STK35: variants seen among roughly 807,000 people sequenced by gnomAD.
STK35 encodes serine/threonine-protein kinase 35.
A neutral mutation model predicts 37.3 loss-of-function variants in STK35; 17 were observed. The observed-to-expected ratio is 0.46, with a 90% CI of 0.31 to 0.68. STK35 has a LOEUF of 0.68. Among genes scored for constraint, STK35 ranks in the 30% least tolerant of loss-of-function variants. The pLI, the probability that STK35 is intolerant of heterozygous loss-of-function variation, is 0.05. For synonymous variants in STK35, 385 were observed against 319.1 expected (o/e 1.21, Z -2.20); for missense variants, 595 against 746.7 (o/e 0.80, Z 2.37).
intron 3 of STK35, among the ~76,000 whole-genome samples, chr20:2,139,235 C>CT (rs1257330528): frequency 6.6e-6 from 1 of 152,162 alleles, no homozygotes; most frequent in Non-Finnish European, 1.5e-5. Context: ...CTCCAAGCTG[C>CT]TAATGGCCTT....
rs1021262406 is a variant in STK35 at position 2,146,506 on chromosome 20, C to T, written c.*2760C>T. 5.2e-5 allele frequency: 8 copies of T among 152,898 alleles called. 1 individual carries two copies. Among genetic ancestry groups the T allele is most frequent in the African/African-American group, 1.9e-4 (8 of 41,550 alleles). 9.5% of individuals were successfully genotyped at this position (152,898 alleles called of 1,614,324 possible). A position where few individuals can be genotyped will look rare whatever the true frequency, so the allele number is the denominator to read the frequency against. ...AGCCCTTTGGAGGGGGACTCTTGAC[C>T]TCGGCTGTTAGGGATCTGAACTTGG... On this transcript the variant is annotated 3_prime_UTR_variant, in exon 4 of 4. Transcript: ENST00000381482.
chr20:2,135,799 G>C (rs1001441168), intron 3 of STK35, among the ~76,000 whole-genome samples: 1 of 152,184 alleles, frequency 6.6e-6, no homozygotes, highest in Non-Finnish European at 1.5e-5. Context: ...GCAGTGAGCC[G>C]AGATTGCACT....
In STK35 at chr20:2,102,036, G is replaced by A. The variant is rs1317266186; in HGVS notation, c.155G>A (p.Gly52Glu). 25 of 1,526,844 alleles carry A rather than the reference G, an allele frequency of 1.6e-5. 1 individual carries two copies. The highest frequency in any genetic ancestry group is 4.0e-5 in the Admixed American group (2 of 50,600). The allele number at this position is 1,526,844 out of a possible 1,614,324, so 94.6% of individuals were successfully genotyped here. Reference protein sequence around the residue: ...ASPASAAAAEGSATRRARAAT... With the variant: ...ASPASAAAAEESATRRARAAT... ...CCAGCGAGCGCCGCGGCAGCAGAAG[G>A]ATCCGCTACACGCCGGGCTCGGGCC... Residue 52 changes from glycine (G) to glutamate (E), a missense_variant, in exon 1 of 4, where the codon GGA becomes GAA. Around this residue, in one of 3 missense-constraint regions of STK35, gnomAD observed 389 missense variants for 320.0 expected, o/e 1.22. Transcript: ENST00000381482.
In STK35 at chr20:2,103,000, T is replaced by C. The variant is rs1215322173; in HGVS notation, c.527T>C (p.Val176Ala). 5 of 1,420,892 alleles carry C rather than the reference T, an allele frequency of 3.5e-6. No individual in the cohort carries two copies. Among genetic ancestry groups the C allele is most frequent in the Admixed American group, 3.3e-5 (1 of 30,572 alleles). 88.0% of individuals were successfully genotyped at this position (1,420,892 alleles called of 1,614,324 possible). A position where few individuals can be genotyped will look rare whatever the true frequency, so the allele number is the denominator to read the frequency against. ...GCGGCGGCCCGGGCCATGGATCCGG[T>C]GGCGGCCGAGGCCCCGGGCGAGGCC... ...PAAAARAMDP[V>A]AAEAPGEAFL... Residue 176 changes from valine to alanine, a missense_variant, in exon 2 of 4, where the codon GTG becomes GCG. This residue lies in a region of STK35 where 389 missense variants were observed against 320.0 expected (regional missense o/e 1.22). Coordinates refer to ENST00000381482, the MANE Select transcript of STK35 (RefSeq NM_080836.4).
intron 3 of STK35, among the ~76,000 whole-genome samples, chr20:2,139,854 T>C (rs1424049295): frequency 6.6e-6 from 1 of 150,792 alleles, no homozygotes; most frequent in Admixed American, 6.7e-5. Flanking sequence ...GTCCAAGAGC[T>C]GAAATGAGAA....
At chr20:2,139,988 T>C (rs530070645) in intron 3 of STK35, among the ~76,000 whole-genome samples, 2 of 152,206 alleles carry the variant, frequency 1.3e-5, no homozygotes, top group African/African-American at 2.4e-5. Context: ...AAGACTATCA[T>C]AGTGCAGAGA....
Position 2,102,790 on chromosome 20 carries a change from C to T in STK35, c.317C>T (p.Pro106Leu), listed in dbSNP as rs1396612143. 2 of 1,476,420 alleles carry T rather than the reference C, an allele frequency of 1.4e-6. No homozygotes were observed. The highest frequency in any genetic ancestry group is 9.0e-7 in the Non-Finnish European group (1 of 1,114,950). 91.5% of individuals were successfully genotyped at this position (1,476,420 alleles called of 1,614,324 possible). A position where few individuals can be genotyped will look rare whatever the true frequency, so the allele number is the denominator to read the frequency against. ...AGQVTIQGPA[P>L]PRPRAGRRDE... ...CAGGTCACAATCCAAGGTCCGGCTC[C>T]TCCGCGTCCCAGGGCCGGACGGAGG... The change falls in exon 2 of 4, where the codon CCT (proline) becomes CTT (leucine). Residue 106 changes from proline to leucine, a missense_variant. Physicochemically the swap from Pro to Leu is moderately conservative, Grantham distance 98 (BLOSUM62 -3). This residue lies in a region of STK35 where 389 missense variants were observed against 320.0 expected (regional missense o/e 1.22). Transcript: ENST00000381482.
intron 2 of STK35, among the ~76,000 whole-genome samples, chr20:2,110,750 T>G (rs1419381112): frequency 6.6e-6 from 1 of 152,228 alleles, no homozygotes; most frequent in African/African-American, 2.4e-5. Flanking sequence ...GATCTGCATG[T>G]TGTGTGGTTG....
intron 2 of STK35, among the ~76,000 whole-genome samples, chr20:2,115,902 C>T (rs116755717): frequency 9.3e-5 from 14 of 150,440 alleles, no homozygotes; most frequent in East Asian, 1.9e-4. Context: ...CCTGCCCCCC[C>T]CTTCACTGTT....
chr20:2,137,350 A>C (rs1040255524), intron 3 of STK35, among the ~76,000 whole-genome samples: 5 of 152,172 alleles, frequency 3.3e-5, no homozygotes, highest in African/African-American at 1.2e-4. Flanking sequence ...CCATGCCTTG[A>C]GAGAACACCA....
intron 2 of STK35, among the ~76,000 whole-genome samples, chr20:2,106,410 A>G (rs755792271): frequency 1.3e-5 from 2 of 152,198 alleles, no homozygotes; most frequent in African/African-American, 4.8e-5. Context: ...CTGAGTCCCT[A>G]CTGTGGTATT....
At chr20:2,123,206 G>A (rs1985848820) in intron 3 of STK35, among the ~76,000 whole-genome samples, 1 of 152,202 alleles carries the variant, frequency 6.6e-6, no homozygotes, top group East Asian at 1.9e-4. Context: ...GGGCAGCTAA[G>A]GCCTGCTGAA....
At chr20:2,124,534 ATC>A (rs1985871589) in intron 3 of STK35, among the ~76,000 whole-genome samples, 1 of 152,154 alleles carries the variant, frequency 6.6e-6, no homozygotes, top group Non-Finnish European at 1.5e-5. Flanking sequence ...TCGAGGTGGT[ATC>A]TCTTGATGAT....
chr20:2,133,647 G>A (rs956621028), intron 3 of STK35, among the ~76,000 whole-genome samples: 1 of 152,230 alleles, frequency 6.6e-6, no homozygotes, highest in Admixed American at 6.5e-5. Flanking sequence ...AGATGACTCA[G>A]TGTGCAGCCC....
intron 2 of STK35, among the ~76,000 whole-genome samples, chr20:2,105,342 T>C (rs1985494111): frequency 4.6e-5 from 7 of 152,188 alleles, no homozygotes; most frequent in Admixed American, 4.6e-4. Context: ...TTGCCGAATG[T>C]TTATTCCTTG....
intron 3 of STK35, among the ~76,000 whole-genome samples, chr20:2,120,498 C>T (rs749760646): frequency 5.3e-5 from 8 of 152,190 alleles, no homozygotes; most frequent in Non-Finnish European, 1.0e-4. Flanking sequence ...AATTGTGGGC[C>T]TGGGCCCAGG....
chr20:2,105,570 G>T (rs185875532), intron 2 of STK35, among the ~76,000 whole-genome samples: 1 of 152,344 alleles, frequency 6.6e-6, no homozygotes, highest in Admixed American at 6.5e-5. Flanking sequence ...AAAACATGGA[G>T]CAAATTGTTT....
chr20:2,102,519 T>C (rs1310121794), intron 1 of STK35, among the ~76,000 whole-genome samples: 1 of 152,224 alleles, frequency 6.6e-6, no homozygotes, highest in Non-Finnish European at 1.5e-5. Context: ...CTTTTTCCTA[T>C]CGCTACATGA....
At position 2,145,348 on chromosome 20, in the gene STK35, T is replaced by C. The variant is rs1986243905; in HGVS notation, c.*1602T>C. On this transcript the variant is annotated 3_prime_UTR_variant, in exon 4 of 4. Coordinates refer to ENST00000381482, the MANE Select transcript of STK35 (RefSeq NM_080836.4). Reference sequence around the variant, plus strand: ...TCATTTTGTGTTCATTTTTGTTTTCTGTTTCACCTAAACCAGCATAGGATT... The same window carrying C: ...TCATTTTGTGTTCATTTTTGTTTTCCGTTTCACCTAAACCAGCATAGGATT... 1 of 152,332 alleles carries C rather than the reference T, an allele frequency of 6.6e-6. No homozygotes were observed. 9.4% of individuals were successfully genotyped at this position (152,332 alleles called of 1,614,324 possible).
Sources: gnomAD v4.1 joint callset for allele counts (sites outside exome capture counted in the v4.1 genomes callset) on GRCh38, gnomAD v4.1.1 for gene constraint, gnomAD v4.1.1 regional missense constraint, MANE v1.5 for transcripts, NCBI Gene and HGNC (gene_info 2026-07-23, HGNC 2026-07-21) for gene names.